CACNA2D3: variants seen among roughly 807,000 people sequenced by gnomAD.
The protein encoded by CACNA2D3 is voltage-dependent calcium channel subunit alpha-2/delta-3.
Under a neutral mutation model 160.6 loss-of-function variants are expected in CACNA2D3, and 60 were observed. The observed-to-expected ratio is 0.37, with a 90% CI of 0.30 to 0.46. The LOEUF (loss-of-function observed/expected upper bound fraction) is 0.46. Among genes scored for constraint, CACNA2D3 ranks in the 20% least tolerant of loss-of-function variants. The pLI, the probability that CACNA2D3 is intolerant of heterozygous loss-of-function variation, is 1.00. For missense variants in CACNA2D3, 1,205 were observed against 1,365.0 expected, an observed-to-expected ratio of 0.88 and a Z score of 1.85; for synonymous variants, 558 against 492.9, an observed-to-expected ratio of 1.13 and a Z score of -1.75.
At chr3:54,763,999 T>C (rs1702170524) in intron 12 of CACNA2D3, among the ~76,000 whole-genome samples, 1 of 150,712 alleles carries the variant, frequency 6.6e-6, no homozygotes, top group Non-Finnish European at 1.5e-5. Flanking sequence ...TTTTATTACA[T>C]TTGCTTGACT....
intron 4 of CACNA2D3, among the ~76,000 whole-genome samples, chr3:54,409,072 T>C (rs116731672): frequency 0.026 from 3,888 of 152,306 alleles, 169 homozygotes; most frequent in African/African-American, 0.089. Context: ...TATGCTTCAT[T>C]TTATTGTGCT....
At chr3:54,723,742 A>T (rs992711493) in intron 11 of CACNA2D3, among the ~76,000 whole-genome samples, 3 of 152,196 alleles carry the variant, frequency 2.0e-5, no homozygotes, top group Non-Finnish European at 2.9e-5. Flanking sequence ...CAGTGAGATG[A>T]ACCGAGTACC....
At chr3:54,431,373 T>C (rs544752261) in intron 4 of CACNA2D3, among the ~76,000 whole-genome samples, 60 of 151,554 alleles carry the variant, frequency 4.0e-4, no homozygotes, top group African/African-American at 1.4e-3. Context: ...AGATAAAATA[T>C]AATATAGAAT....
chr3:54,625,261 G>A (rs1699072149), intron 9 of CACNA2D3, among the ~76,000 whole-genome samples: 2 of 152,186 alleles, frequency 1.3e-5, no homozygotes, highest in Non-Finnish European at 2.9e-5. Context: ...CATGGCAAGT[G>A]CCTGGCATAC....
chr3:54,932,048 G>A (rs977387039), intron 27 of CACNA2D3, among the ~76,000 whole-genome samples: 7 of 152,020 alleles, frequency 4.6e-5, no homozygotes, highest in African/African-American at 1.7e-4. Flanking sequence ...TGGGTGTGGT[G>A]GTGAGCGCCT....
chr3:54,892,032 A>G (rs1700082083), intron 25 of CACNA2D3, among the ~76,000 whole-genome samples: 1 of 152,184 alleles, frequency 6.6e-6, no homozygotes, highest in Non-Finnish European at 1.5e-5. Flanking sequence ...TTCCAGGTCT[A>G]GTACCCAGAT....
intron 11 of CACNA2D3, among the ~76,000 whole-genome samples, chr3:54,684,128 T>C (rs1212575860): frequency 6.6e-6 from 1 of 151,938 alleles, no homozygotes; most frequent in African/African-American, 2.4e-5. Context: ...GCCCGGCTAA[T>C]TTTTGTATTT....
chr3:54,156,448 G>T (rs1357655927), intron 2 of CACNA2D3, among the ~76,000 whole-genome samples: 2 of 152,330 alleles, frequency 1.3e-5, no homozygotes, highest in Admixed American at 6.5e-5. Context: ...CCAGCTGGAA[G>T]GTGAGCGGAT....
intron 12 of CACNA2D3, among the ~76,000 whole-genome samples, chr3:54,755,450 G>C (rs909818737): frequency 6.6e-6 from 1 of 152,122 alleles, no homozygotes; most frequent in Non-Finnish European, 1.5e-5. Context: ...TTTAAGCAAG[G>C]CTCAATTTCC....
At chr3:54,967,279 C>T (rs139923540) in intron 27 of CACNA2D3, among the ~76,000 whole-genome samples, 1 of 152,168 alleles carries the variant, frequency 6.6e-6, no homozygotes, top group African/African-American at 2.4e-5. Flanking sequence ...AACAACAGCC[C>T]AAGACCTTTA....
intron 5 of CACNA2D3, among the ~76,000 whole-genome samples, chr3:54,561,142 A>G (rs763402203): frequency 4.6e-5 from 7 of 152,226 alleles, no homozygotes; most frequent in Non-Finnish European, 1.0e-4. Context: ...TAGGATTAGC[A>G]TTCAATCTAT....
intron 11 of CACNA2D3, among the ~76,000 whole-genome samples, chr3:54,679,421 C>T (rs1700302616): frequency 6.6e-6 from 1 of 152,198 alleles, no homozygotes; most frequent in African/African-American, 2.4e-5. Context: ...TCAGGGCCTA[C>T]TGAGGCAGCG....
intron 18 of CACNA2D3, chr3:54,878,716 AT>A (rs1301658814): frequency 1.6e-5 from 4 of 248,128 alleles, no homozygotes; most frequent in Non-Finnish European, 3.0e-5. Flanking sequence ...CTTGCTCGGC[AT>A]TTCAGCGGGT....
At chr3:54,865,572 C>T (rs1699382526) in intron 17 of CACNA2D3, among the ~76,000 whole-genome samples, 1 of 152,256 alleles carries the variant, frequency 6.6e-6, no homozygotes, top group Admixed American at 6.5e-5. Context: ...CCTCACTCTG[C>T]CACAGGCCCC....
chr3:54,415,906 G>T (rs188555428), intron 4 of CACNA2D3, among the ~76,000 whole-genome samples: 1 of 152,138 alleles, frequency 6.6e-6, no homozygotes, highest in East Asian at 1.9e-4. Context: ...ATCTTGTGAA[G>T]AAATAAATTG....
intron 9 of CACNA2D3, among the ~76,000 whole-genome samples, chr3:54,619,159 G>A (rs1439489213): frequency 3.3e-5 from 5 of 152,168 alleles, no homozygotes; most frequent in African/African-American, 9.6e-5. Flanking sequence ...TCAGGGGTTC[G>A]CAAAGCTTAG....
chr3:54,994,994 A>G (rs1225513825), intron 31 of CACNA2D3, among the ~76,000 whole-genome samples: 1 of 151,832 alleles, frequency 6.6e-6, no homozygotes, highest in African/African-American at 2.4e-5. Flanking sequence ...TTTTCTTGAG[A>G]TGGAGTTTCG....
intron 3 of CACNA2D3, among the ~76,000 whole-genome samples, chr3:54,321,515 C>T (rs1349823065): frequency 1.3e-5 from 2 of 152,122 alleles, no homozygotes; most frequent in African/African-American, 2.4e-5. Context: ...GATCAACCAA[C>T]CAAGCACCTA....
At chr3:54,623,785 G>T (rs1161164599) in intron 9 of CACNA2D3, among the ~76,000 whole-genome samples, 1 of 152,218 alleles carries the variant, frequency 6.6e-6, no homozygotes, top group Non-Finnish European at 1.5e-5. Flanking sequence ...TAGCACTACT[G>T]AGGAACTGTA....
Sources: allele counts gnomAD v4.1 joint callset (sites outside exome capture counted in the v4.1 genomes callset), GRCh38; gene constraint gnomAD v4.1.1; transcripts MANE v1.5; gene names NCBI Gene and HGNC (gene_info 2026-07-23, HGNC 2026-07-21).